TAFA5: variants seen among roughly 807,000 people sequenced by gnomAD.
The protein encoded by TAFA5 is chemokine-like protein TAFA-5.
A neutral mutation model predicts 15.3 loss-of-function variants in TAFA5; 6 were observed. That is an observed-to-expected ratio of 0.39 (90% confidence interval 0.21 to 0.77). The LOEUF (loss-of-function observed/expected upper bound fraction) is 0.77, where lower values mean the gene tolerates loss of function less well. Ranked by LOEUF, TAFA5 falls within the 30% of genes least tolerant of loss-of-function variation. TAFA5 has a pLI of 0.41. For synonymous variants in TAFA5, 103 were observed against 80.7 expected (o/e 1.28, Z -1.48); for missense variants, 161 against 193.1 (o/e 0.83, Z 0.98).
intron 1 of TAFA5, among the ~76,000 whole-genome samples, chr22:48,554,898 C>T (rs1922977142): frequency 6.6e-6 from 1 of 152,196 alleles, no homozygotes; most frequent in Non-Finnish European, 1.5e-5. Flanking sequence ...TTCCTCTCCC[C>T]ATAGTGGTCC....
intron 1 of TAFA5, among the ~76,000 whole-genome samples, chr22:48,561,357 T>C (rs1923223893): frequency 6.6e-6 from 1 of 152,114 alleles, no homozygotes; most frequent in East Asian, 1.9e-4. Flanking sequence ...GTTTGTGAAT[T>C]CCTCAGACTG....
chr22:48,650,049 G>T lies in TAFA5; in HGVS notation c.262+3303G>T, dbSNP rs543464045. Among the ~76,000 whole-genome samples the T allele has an allele frequency of 7.2e-5, 11 of 152,218 alleles. No individual in the cohort carries two copies. In the East Asian group the frequency reaches 2.1e-3, roughly 29 times the overall value. On this transcript the variant is annotated intron_variant, in intron 2 of 3. Coordinates refer to ENST00000402357, the MANE Select transcript of TAFA5 (RefSeq NM_001082967.3). ...TAGCTTTGCTTCTTTTTGCACAGTG[G>T]GCATTTTCCAGGCTGCCATCTAATT...
intron 1 of TAFA5, among the ~76,000 whole-genome samples, chr22:48,604,915 CA>C (rs1332047591): frequency 3.3e-5 from 5 of 151,772 alleles, no homozygotes; most frequent in African/African-American, 1.2e-4. Context: ...ATGGATATTA[CA>C]GTAGTAATGG....
intron 2 of TAFA5, among the ~76,000 whole-genome samples, chr22:48,691,354 C>T (rs1029091297): frequency 3.3e-5 from 5 of 152,226 alleles, no homozygotes; most frequent in African/African-American, 9.6e-5. Context: ...TTTTACTTCA[C>T]GTTTGACATT....
chr22:48,495,661 C>G (rs1233606200), intron 1 of TAFA5, among the ~76,000 whole-genome samples: 2 of 152,222 alleles, frequency 1.3e-5, no homozygotes, highest in African/African-American at 4.8e-5. Flanking sequence ...CTCTCTCTGT[C>G]TGGGCTGCCG....
intron 1 of TAFA5, among the ~76,000 whole-genome samples, chr22:48,494,450 G>A (rs1044441043): frequency 6.6e-5 from 10 of 152,204 alleles, no homozygotes; most frequent in African/African-American, 2.2e-4. Flanking sequence ...TCAGGTGGCC[G>A]GAGTGAGCAC....
chr22:48,685,390 T>C (rs1260649113), intron 2 of TAFA5, among the ~76,000 whole-genome samples: 2 of 152,224 alleles, frequency 1.3e-5, no homozygotes, highest in African/African-American at 4.8e-5. Flanking sequence ...ATGCAAATTT[T>C]CCTCACAAGA....
chr22:48,592,722 C>G (rs965445373), intron 1 of TAFA5, among the ~76,000 whole-genome samples: 108 of 152,080 alleles, frequency 7.1e-4, no homozygotes, highest in African/African-American at 2.3e-3. Context: ...TGCCTGCCCT[C>G]CTGCTCAGAG....
chr22:48,600,918 G>A (rs919382038), intron 1 of TAFA5, among the ~76,000 whole-genome samples: 2 of 152,102 alleles, frequency 1.3e-5, no homozygotes, highest in Admixed American at 6.5e-5. Flanking sequence ...CCTGACACTC[G>A]GTCACGGTGC....
At chr22:48,591,207 T>C (rs1924555495) in intron 1 of TAFA5, among the ~76,000 whole-genome samples, 1 of 152,388 alleles carries the variant, frequency 6.6e-6, no homozygotes, top group East Asian at 1.9e-4. Context: ...GACAGCAACC[T>C]GAAGAGTTCT....
At chr22:48,544,678 C>T (rs73423874) in intron 1 of TAFA5, 7,445 of 471,294 alleles carry the variant, frequency 0.016, 479 homozygotes, top group African/African-American at 0.14. Context: ...TCACTCTGGA[C>T]TTGCTGTGTC....
intron 1 of TAFA5, among the ~76,000 whole-genome samples, chr22:48,595,612 C>T (rs1924737416): frequency 6.6e-6 from 1 of 152,262 alleles, no homozygotes; most frequent in Admixed American, 6.5e-5. Flanking sequence ...GGAGATGTCA[C>T]ACATCTCCAG....
intron 3 of TAFA5, among the ~76,000 whole-genome samples, chr22:48,730,527 T>G (rs1929841998): frequency 6.6e-6 from 1 of 152,234 alleles, no homozygotes; most frequent in Non-Finnish European, 1.5e-5. Context: ...TTTTCACAAA[T>G]TGAAGGTTTG....
chr22:48,560,135 C>A lies in TAFA5; in HGVS notation c.112+70431C>A, dbSNP rs1390628143. Among the ~76,000 whole-genome samples the A allele has an allele frequency of 6.6e-6, 1 of 152,222 alleles. No homozygotes were observed. The highest frequency in any genetic ancestry group is 2.4e-5 in the African/African-American group (1 of 41,458). On this transcript the variant is annotated intron_variant, in intron 1 of 3. Coordinates refer to ENST00000402357, the MANE Select transcript of TAFA5 (RefSeq NM_001082967.3). This position sits in a 1 kb window ranked among gnomAD's most constrained non-coding sequence, Gnocchi z 4.2. ...TCCACGTGCCGTCCCATGGGAAAGC[C>A]GAGTCCTTGTAGGGGAGGAGCGTCA...
chr22:48,628,946 A>G (rs1926116875), intron 1 of TAFA5, among the ~76,000 whole-genome samples: 1 of 152,078 alleles, frequency 6.6e-6, no homozygotes, highest in Admixed American at 6.5e-5. Context: ...TGTGACCAAG[A>G]AGTGCAGAGC....
chr22:48,632,213 C>CGGGCCCTGCCTGCCTCCCACCTACCAT (rs1926255913), intron 1 of TAFA5, among the ~76,000 whole-genome samples: 1 of 152,196 alleles, frequency 6.6e-6, no homozygotes, highest in African/African-American at 2.4e-5. Context: ...CTTACCGCCA[C>CGGGCCCTGCCTGCCTCCCACCTACCAT]GGGCCCTGCC....
chr22:48,689,002 AAAAAAAAAAG>A (rs1394105153), intron 2 of TAFA5, among the ~76,000 whole-genome samples: 1 of 122,584 alleles, frequency 8.2e-6, no homozygotes, highest in Admixed American at 8.4e-5. Context: ...GAAAAAAAAA[AAAAAAAAAAG>A]AGAGAGAAAA....
chr22:48,745,418 G>A (rs1466087442), intron 3 of TAFA5, among the ~76,000 whole-genome samples: 7 of 142,960 alleles, frequency 4.9e-5, no homozygotes, highest in African/African-American at 8.0e-5. Flanking sequence ...CGGCTTTGTC[G>A]TCGGCGGCTG....
At chr22:48,680,497 A>C (rs1474482426) in intron 2 of TAFA5, among the ~76,000 whole-genome samples, 37 of 152,156 alleles carry the variant, frequency 2.4e-4, no homozygotes, top group African/African-American at 8.7e-4. Flanking sequence ...TGACGGCAGC[A>C]CACTGAGAGG....
Sources: gnomAD v4.1 joint callset for allele counts (sites outside exome capture counted in the v4.1 genomes callset) on GRCh38, gnomAD v4.1.1 for gene constraint, Gnocchi (gnomAD v3.1) non-coding constraint, MANE v1.5 for transcripts, NCBI Gene and HGNC (gene_info 2026-07-23, HGNC 2026-07-21) for gene names.